Variants in GALNT17 observed in about 807,000 individuals in gnomAD.
GALNT17 encodes polypeptide N-acetylgalactosaminyltransferase 17, also known as UDP-GalNAc:polypeptide N-acetylgalactosaminyltransferase-like 3.
In GALNT17, 29 loss-of-function variants were observed where a neutral mutation model predicts 63.7. The ratio of observed to expected loss-of-function variants is 0.46; its 90% CI spans 0.34 to 0.62. GALNT17 has a LOEUF of 0.62. Ranked by LOEUF, GALNT17 falls within the 20% of genes least tolerant of loss-of-function variation. The probability of loss-of-function intolerance (pLI) is 0.01; values close to 1 mark genes in which losing one functional copy is unlikely to be tolerated. For missense variants in GALNT17, 603 were observed against 799.6 expected, an observed-to-expected ratio of 0.75 and a Z score of 2.97; for synonymous variants, 305 against 318.3, an observed-to-expected ratio of 0.96 and a Z score of 0.45.
At chr7:71,321,011 G>A (rs961526542) in intron 1 of GALNT17, among the ~76,000 whole-genome samples, 5 of 152,184 alleles carry the variant, frequency 3.3e-5, no homozygotes, top group African/African-American at 1.2e-4. Context: ...ATGCTAGAAG[G>A]AGTGCTTGGA....
chr7:71,583,129 T>TGAGCACAATTAC (rs1789661088), intron 6 of GALNT17, among the ~76,000 whole-genome samples: 2 of 152,314 alleles, frequency 1.3e-5, no homozygotes, highest in South Asian at 4.2e-4. Context: ...TGTGGGTTTC[T>TGAGCACAATTAC]GAATTTCTCA....
At chr7:71,701,727 A>G (rs1242615475) in intron 9 of GALNT17, among the ~76,000 whole-genome samples, 1 of 135,338 alleles carries the variant, frequency 7.4e-6, no homozygotes, top group Non-Finnish European at 1.6e-5. Context: ...TGGTGTATGT[A>G]TATATATATA....
At chr7:71,274,849 T>A (rs1790655467) in intron 1 of GALNT17, among the ~76,000 whole-genome samples, 3 of 152,164 alleles carry the variant, frequency 2.0e-5, no homozygotes, top group Admixed American at 2.0e-4. Context: ...TCCTTCTGAT[T>A]TGCATTTCAA....
intron 6 of GALNT17, among the ~76,000 whole-genome samples, chr7:71,644,873 T>C (rs1289058140): frequency 6.6e-6 from 1 of 152,160 alleles, no homozygotes; most frequent in Non-Finnish European, 1.5e-5. Context: ...CAAATCTCAG[T>C]GGCTTAGTAT....
intron 9 of GALNT17, among the ~76,000 whole-genome samples, chr7:71,707,311 GC>G (rs1327986765): frequency 6.6e-6 from 1 of 152,132 alleles, no homozygotes; most frequent in Non-Finnish European, 1.5e-5. Context: ...ATTAGGCACA[GC>G]CCCTCCCTCT....
chr7:71,175,983 G>A (rs1218451464), intron 1 of GALNT17, among the ~76,000 whole-genome samples: 1 of 152,114 alleles, frequency 6.6e-6, no homozygotes, highest in Non-Finnish European at 1.5e-5. Context: ...CTGGTCTACT[G>A]GATATCACTT....
chr7:71,346,201 AGTGT>A (rs201164622), intron 2 of GALNT17, among the ~76,000 whole-genome samples: 6 of 151,590 alleles, frequency 4.0e-5, no homozygotes, highest in Non-Finnish European at 8.8e-5. Flanking sequence ...TACATGTGAC[AGTGT>A]GTGTGTATAT....
At chr7:71,498,032 C>T (rs1788123806) in intron 5 of GALNT17, among the ~76,000 whole-genome samples, 1 of 152,166 alleles carries the variant, frequency 6.6e-6, no homozygotes, top group Non-Finnish European at 1.5e-5. Context: ...CATGCCTTTT[C>T]TCTGTGCAAG....
intron 6 of GALNT17, among the ~76,000 whole-genome samples, chr7:71,598,300 C>A (rs986804696): frequency 6.6e-6 from 1 of 152,120 alleles, no homozygotes; most frequent in Non-Finnish European, 1.5e-5. Context: ...AACACAGGAA[C>A]AAAACTCATA....
chr7:71,138,702 A>G (rs1179670050), intron 1 of GALNT17, among the ~76,000 whole-genome samples: 1 of 152,154 alleles, frequency 6.6e-6, no homozygotes, highest in Non-Finnish European at 1.5e-5. Context: ...GGTCGGGCAC[A>G]GTGGCTCACG....
chr7:71,429,577 CTG>C (rs1328893537), intron 5 of GALNT17, among the ~76,000 whole-genome samples: 1 of 152,236 alleles, frequency 6.6e-6, no homozygotes, highest in Non-Finnish European at 1.5e-5. Context: ...AGATCTCACT[CTG>C]TTGCCCAGGC....
intron 1 of GALNT17, among the ~76,000 whole-genome samples, chr7:71,283,783 T>A (rs374532782): frequency 1.3e-5 from 2 of 151,758 alleles, no homozygotes. Context: ...CAGGCTGGAG[T>A]GTAGTGGTGA....
intron 9 of GALNT17, among the ~76,000 whole-genome samples, chr7:71,688,151 T>A (rs1252966542): frequency 1.3e-5 from 2 of 152,166 alleles, no homozygotes; most frequent in Non-Finnish European, 2.9e-5. Flanking sequence ...TTTCAATCTC[T>A]TATGCCATAT....
intron 1 of GALNT17, among the ~76,000 whole-genome samples, chr7:71,221,403 T>C (rs1789581014): frequency 6.6e-6 from 1 of 150,488 alleles, no homozygotes; most frequent in African/African-American, 2.4e-5. Flanking sequence ...TTTTTTTTTT[T>C]TTTCCAACCC....
At chr7:71,632,379 C>T (rs185246505) in intron 6 of GALNT17, among the ~76,000 whole-genome samples, 135 of 152,144 alleles carry the variant, frequency 8.9e-4, no homozygotes, top group Non-Finnish European at 1.6e-3. Context: ...TCCCATTGCC[C>T]GGTGTTGGGG....
At chr7:71,695,089 G>A (rs144656184) in intron 9 of GALNT17, among the ~76,000 whole-genome samples, 13 of 152,322 alleles carry the variant, frequency 8.5e-5, no homozygotes, top group African/African-American at 3.1e-4. Context: ...TTGAAGATGT[G>A]CTTAGGAATA....
intron 3 of GALNT17, among the ~76,000 whole-genome samples, chr7:71,407,317 A>C (rs1052089139): frequency 6.6e-6 from 1 of 152,204 alleles, no homozygotes; most frequent in Non-Finnish European, 1.5e-5. Context: ...GGAGGAACCC[A>C]GGGGAGGGGC....
chr7:71,407,722 T>G (rs550359025), intron 3 of GALNT17, among the ~76,000 whole-genome samples: 3 of 152,308 alleles, frequency 2.0e-5, no homozygotes, highest in East Asian at 1.9e-4. Context: ...CTTTCCAGCC[T>G]GGGTAACAGA....
intron 1 of GALNT17, among the ~76,000 whole-genome samples, chr7:71,138,972 C>T (rs548808113): frequency 6.6e-6 from 1 of 152,182 alleles, no homozygotes; most frequent in Admixed American, 6.5e-5. Context: ...AAGATTTGGT[C>T]TCAAATAAAT....
Sources: allele counts gnomAD v4.1 joint callset (sites outside exome capture counted in the v4.1 genomes callset), GRCh38; gene constraint gnomAD v4.1.1; transcripts MANE v1.5; gene names NCBI Gene and HGNC (gene_info 2026-07-23, HGNC 2026-07-21).